Variants in KIAA0753 observed in about 807,000 individuals in gnomAD.
The protein encoded by KIAA0753 is KIAA0753, also known as protein moonraker.
KIAA0753 carries 114 observed loss-of-function variants against 116.9 expected under a neutral mutation model. That is an observed-to-expected ratio of 0.98 (90% confidence interval 0.84 to 1.14). The LOEUF (loss-of-function observed/expected upper bound fraction) is 1.14. Ranked by LOEUF, KIAA0753 falls within the 50% of genes most tolerant of loss-of-function variation. KIAA0753 has a pLI of 0.00. For missense variants in KIAA0753, 1,156 were observed against 1,172.4 expected (o/e 0.99, Z 0.20); for synonymous variants, 405 against 413.1 (o/e 0.98, Z 0.24).
chr17:6,632,448 G>A (rs1220416929), intron 2 of KIAA0753, among the ~76,000 whole-genome samples: 2 of 152,186 alleles, frequency 1.3e-5, no homozygotes, highest in African/African-American at 4.8e-5. Context: ...AGATTGCAAG[G>A]AGTAAGGCAA....
intron 7 of KIAA0753, among the ~76,000 whole-genome samples, chr17:6,615,499 C>T (rs1388334117): frequency 1.3e-5 from 2 of 151,496 alleles, no homozygotes; most frequent in African/African-American, 4.8e-5. Context: ...CCTGTAGTCC[C>T]AGCTACTCGG....
In KIAA0753 at chr17:6,579,024, T is replaced by C. The variant is rs1033001352; in HGVS notation, c.*723A>G. On this transcript the variant is annotated 3_prime_UTR_variant, in exon 19 of 19. Transcript: ENST00000361413. Reference sequence around the variant, plus strand: ...AGGAGAAGGCCTGGTCCTCTCCTGATTCCTCAAACTTCCTCTGAATCCAGA... The same window carrying C: ...AGGAGAAGGCCTGGTCCTCTCCTGACTCCTCAAACTTCCTCTGAATCCAGA... The C allele has an allele frequency of 2.6e-5, 4 of 152,260 alleles. No individual in the cohort carries two copies. Among genetic ancestry groups the C allele is most frequent in the African/African-American group, 9.6e-5 (4 of 41,464 alleles). 9.4% of individuals were successfully genotyped at this position (152,260 alleles called of 1,614,324 possible). A position where few individuals can be genotyped will look rare whatever the true frequency, so the allele number is the denominator to read the frequency against.
chr17:6,611,364 G>A (rs1459814737), intron 8 of KIAA0753, among the ~76,000 whole-genome samples: 2 of 151,882 alleles, frequency 1.3e-5, no homozygotes, highest in Non-Finnish European at 2.9e-5. Flanking sequence ...ACAGTGGATC[G>A]ATCACAGCTC....
At chr17:6,618,625 C>A (rs4796341) in intron 7 of KIAA0753, among the ~76,000 whole-genome samples, 94,201 of 152,042 alleles carry the variant, frequency 0.62, 29,474 homozygotes, top group East Asian at 0.72. Context: ...GAGAGTCTTA[C>A]GTAGGAAAAA....
chr17:6,579,026 C>A lies in KIAA0753; in HGVS notation c.*721G>T, dbSNP rs1346278746. 6.6e-6 allele frequency: 1 copy of A among 151,886 alleles called. No homozygotes were observed. Among genetic ancestry groups the A allele is most frequent in the Non-Finnish European group, 1.5e-5 (1 of 67,900 alleles). 9.4% of individuals were successfully genotyped at this position (151,886 alleles called of 1,614,324 possible). On this transcript the variant is annotated 3_prime_UTR_variant, in exon 19 of 19. Transcript: ENST00000361413. ...GAGAAGGCCTGGTCCTCTCCTGATT[C>A]CTCAAACTTCCTCTGAATCCAGAGA... is the stretch of plus-strand genomic sequence containing the variant.
chr17:6,584,861 G>A (rs187619513), intron 18 of KIAA0753, among the ~76,000 whole-genome samples: 1 of 152,288 alleles, frequency 6.6e-6, no homozygotes, highest in East Asian at 1.9e-4. Context: ...GAGTGCAGTG[G>A]TGCCATCTCA....
intron 16 of KIAA0753, among the ~76,000 whole-genome samples, chr17:6,594,124 A>T (rs1969286462): frequency 6.6e-6 from 1 of 152,196 alleles, no homozygotes; most frequent in Non-Finnish European, 1.5e-5. Context: ...ATACACACAG[A>T]TTATACACAT....
At chr17:6,580,228 G>A (rs1288380104) in intron 18 of KIAA0753, among the ~76,000 whole-genome samples, 1 of 151,862 alleles carries the variant, frequency 6.6e-6, no homozygotes, top group African/African-American at 2.4e-5. Context: ...GCCATATATG[G>A]GAGCCATTCT....
At chr17:6,613,077 C>T (rs1428594149) in intron 7 of KIAA0753, among the ~76,000 whole-genome samples, 4 of 151,918 alleles carry the variant, frequency 2.6e-5, no homozygotes, top group Non-Finnish European at 5.9e-5. Context: ...ACTATTACAG[C>T]TGAGAAGAGG....
At chr17:6,593,016 C>T (rs993184984) in intron 16 of KIAA0753, among the ~76,000 whole-genome samples, 3 of 151,736 alleles carry the variant, frequency 2.0e-5, no homozygotes, top group Non-Finnish European at 2.9e-5. Flanking sequence ...ATACTAAAAA[C>T]GAAAGAATTG....
chr17:6,612,492 A>C (rs546992048), intron 7 of KIAA0753, among the ~76,000 whole-genome samples: 10 of 152,354 alleles, frequency 6.6e-5, no homozygotes, highest in Non-Finnish European at 1.3e-4. Flanking sequence ...GACTGGAATA[A>C]CAGTGTCTCC....
Position 6,608,391 on chromosome 17 carries a change from CTT to C in KIAA0753, c.1784_1785del (p.Gln595ArgfsTer10), listed in dbSNP as rs771645161. On this transcript the variant is annotated frameshift_variant, in exon 10 of 19. Coordinates refer to ENST00000361413, the MANE Select transcript of KIAA0753 (RefSeq NM_014804.3). LOFTEE classifies it high-confidence loss of function. ...TKEPLQQEDP[Q>X]EESHLTGAVE... ...ACAGCACCTGTCAGGTGACTTTCCT[CTT>C]GAGGATCTTCTTGCTGGAGAGGCTC... 6.4e-7 allele frequency: 1 copy of C among 1,561,704 alleles called. No individual in the cohort carries two copies. The highest frequency in any genetic ancestry group is 8.7e-7 in the Non-Finnish European group (1 of 1,148,928).
rs1198714588 is a variant in KIAA0753, at chr17:6,639,915, C to A, written c.-69+722G>T. On this transcript the variant is annotated intron_variant, in intron 1 of 18. Coordinates refer to ENST00000361413, the MANE Select transcript of KIAA0753 (RefSeq NM_014804.3). The surrounding 1 kb of genome is among the most constrained non-coding windows in gnomAD (Gnocchi z 4.3). ...CCTCCTCCCCAGACCCGGTCACCCACACAGCCCCGGCAAGCCCCACCACCT... is the reference window on the plus strand; with the variant it reads ...CCTCCTCCCCAGACCCGGTCACCCAAACAGCCCCGGCAAGCCCCACCACCT... 1 of 153,880 alleles carries A rather than the reference C, an allele frequency of 6.5e-6. No homozygotes were observed. The highest frequency in any genetic ancestry group is 1.4e-5 in the Non-Finnish European group (1 of 69,028). The allele number at this position is 153,880 out of a possible 1,614,324, so 9.5% of individuals were successfully genotyped here.
chr17:6,629,863 T>C (rs1484725239), intron 2 of KIAA0753, among the ~76,000 whole-genome samples: 2 of 152,186 alleles, frequency 1.3e-5, no homozygotes, highest in African/African-American at 4.8e-5. Context: ...ATAGGTACCA[T>C]CTGAAAGATA....
intron 16 of KIAA0753, among the ~76,000 whole-genome samples, chr17:6,592,094 C>A (rs569671843): frequency 1.4e-3 from 207 of 152,296 alleles, no homozygotes; most frequent in African/African-American, 4.4e-3. Flanking sequence ...CCTTGAAGAA[C>A]AGCTTGACTG....
rs776387223 is a variant in KIAA0753, at chr17:6,612,146, T to C, written c.1318A>G (p.Lys440Glu). The change falls in exon 8 of 19, where the codon AAG becomes GAG. Residue 440 changes from lysine to glutamate, a missense_variant and splice_region_variant. Transcript: ENST00000361413. ...PSVAKQLLAD[K>E]YQPDTELPET... ...GGAAGCTCCGTATCGGGCTGATACTTATCTACATGGAAATTTTTGAAAAAC... is the reference window on the plus strand; with the variant it reads ...GGAAGCTCCGTATCGGGCTGATACTCATCTACATGGAAATTTTTGAAAAAC... 17 of 1,597,406 alleles carry C rather than the reference T, an allele frequency of 1.1e-5. No individual in the cohort carries two copies. The South Asian group carries it at 1.7e-4, about 16-fold the overall frequency.
intron 2 of KIAA0753, 115 bp downstream of exon 2, chr17:6,634,896 T>A: frequency 1.4e-6 from 1 of 691,048 alleles, no homozygotes; most frequent in Non-Finnish European, 2.5e-6. Flanking sequence ...ACAGAAAAAA[T>A]TGTTAGCAAT....
chr17:6,596,006 C>A (rs1969448002), intron 15 of KIAA0753, 152 bp downstream of exon 15: 1 of 737,540 alleles, frequency 1.4e-6, no homozygotes, highest in Non-Finnish European at 2.3e-6. Flanking sequence ...GTTGACGATA[C>A]CAAGGTCATA....
rs773557971 is a variant in KIAA0753, at chr17:6,611,962, AC to A, written c.1501del (p.Val501CysfsTer43). The A allele has an allele frequency of 1.2e-6, 2 of 1,613,972 alleles. No homozygotes were observed. The highest frequency in any genetic ancestry group is 1.7e-6 in the Non-Finnish European group (2 of 1,180,028). ...AGKKKPVTEN[V>X]PFRKKDTLAP... ...CAGAGTATCTTTCTTCCTAAACGGC[AC>A]ATTCTCAGTCACAGGCTTCTTTTTC... On this transcript the variant is annotated frameshift_variant, in exon 8 of 19. Transcript: ENST00000361413. LOFTEE classifies it high-confidence loss of function.
Sources: gnomAD v4.1 joint callset for allele counts (sites outside exome capture counted in the v4.1 genomes callset) on GRCh38, gnomAD v4.1.1 for gene constraint, Gnocchi (gnomAD v3.1) non-coding constraint, MANE v1.5 for transcripts, NCBI Gene and HGNC (gene_info 2026-07-23, HGNC 2026-07-21) for gene names.